Variants in CNTN1 observed in about 807,000 individuals in gnomAD.
CNTN1 encodes contactin-1.
A neutral mutation model predicts 126.4 loss-of-function variants in CNTN1; 38 were observed. The observed-to-expected ratio is 0.30, with a 90% CI of 0.23 to 0.39. CNTN1 has a LOEUF of 0.39. CNTN1 is among the 10% of genes least tolerant of loss of function. The pLI, the probability that CNTN1 is intolerant of heterozygous loss-of-function variation, is 1.00. For missense variants in CNTN1, 1,009 were observed against 1,248.4 expected, an observed-to-expected ratio of 0.81 and a Z score of 2.89; for synonymous variants, 413 against 422.6, an observed-to-expected ratio of 0.98 and a Z score of 0.28.
intron 6 of CNTN1, among the ~76,000 whole-genome samples, chr12:40,925,622 TACACATATATATATATAG>T (rs1945639122): frequency 8.3e-6 from 1 of 120,196 alleles, no homozygotes; most frequent in East Asian, 2.2e-4. Context: ...TATATATATA[TACACATATATATATATAG>T]AGAGAGAGAG....
At chr12:40,904,151 T>C (rs1185170375) in intron 1 of CNTN1, among the ~76,000 whole-genome samples, 4 of 152,202 alleles carry the variant, frequency 2.6e-5, no homozygotes, top group Admixed American at 2.0e-4. Context: ...CCCGAGTAGC[T>C]GGGACTACAG....
chr12:40,739,432 A>G (rs559746860), intron 1 of CNTN1, among the ~76,000 whole-genome samples: 1 of 152,094 alleles, frequency 6.6e-6, no homozygotes, highest in East Asian at 1.9e-4. Flanking sequence ...TGATTAAAAA[A>G]CAATTTCAGG....
intron 23 of CNTN1, among the ~76,000 whole-genome samples, chr12:41,052,772 T>G (rs1377110208): frequency 6.6e-6 from 1 of 152,078 alleles, no homozygotes; most frequent in East Asian, 1.9e-4. Flanking sequence ...AAGACTTCAA[T>G]AGTAAATGTC....
chr12:40,898,256 T>C (rs1388352832), intron 1 of CNTN1, among the ~76,000 whole-genome samples: 1 of 152,144 alleles, frequency 6.6e-6, no homozygotes, highest in East Asian at 1.9e-4. Context: ...TCTCTTTGAT[T>C]TACCAGTACT....
intron 15 of CNTN1, among the ~76,000 whole-genome samples, chr12:40,966,156 G>A (rs1764036264): frequency 6.6e-6 from 1 of 151,820 alleles, no homozygotes; most frequent in African/African-American, 2.4e-5. Flanking sequence ...AAGTATTTGG[G>A]GCAGAAAAAC....
chr12:40,942,218 G>C (rs527310748), intron 12 of CNTN1, among the ~76,000 whole-genome samples: 1 of 152,130 alleles, frequency 6.6e-6, no homozygotes, highest in East Asian at 1.9e-4. Flanking sequence ...TATTGGTACT[G>C]TGTTAATATG....
intron 1 of CNTN1, among the ~76,000 whole-genome samples, chr12:40,887,606 C>G (rs1479604894): frequency 6.6e-6 from 1 of 152,008 alleles, no homozygotes; most frequent in Non-Finnish European, 1.5e-5. Context: ...GTCAGTGTGG[C>G]AATTCCTCAG....
rs149281968 is a variant in CNTN1 at position 40,774,350 on chromosome 12, C to T, written c.-77+81758C>T. ...AAAGGCTCTCTAAGGAAGGCAGTCA[C>T]GATTGTGATGTCTAAAGAGAATTTC... On this transcript the variant is annotated intron_variant, in intron 1 of 23. Transcript: ENST00000551295. Among the ~76,000 whole-genome samples, 384 of 151,588 alleles carry T rather than the reference C, an allele frequency of 2.5e-3. 1 individual carries two copies. The highest frequency in any genetic ancestry group is 8.6e-3 in the African/African-American group (356 of 41,440).
At position 40,995,779 on chromosome 12, in the gene CNTN1, A is replaced by G. The variant is rs959741946; in HGVS notation, c.2113+2510A>G. On this transcript the variant is annotated intron_variant, in intron 17 of 23. Transcript: ENST00000551295. ...AAATTAATTCTGTAACTTCTAACAC[A>G]TTTGTTAATCTATCATCAGAAAATA... Among the ~76,000 whole-genome samples, 6 of 152,306 alleles carry G rather than the reference A, an allele frequency of 3.9e-5. No individual in the cohort carries two copies. In the East Asian group the frequency reaches 5.8e-4, roughly 15 times the overall value.
chr12:40,877,955 C>T (rs142341601), intron 1 of CNTN1, among the ~76,000 whole-genome samples: 4 of 150,610 alleles, frequency 2.7e-5, no homozygotes, highest in Admixed American at 2.6e-4. Flanking sequence ...CTATCTTCAC[C>T]TCTTCCTTCC....
At chr12:41,018,764 C>T (rs1948840548) in intron 19 of CNTN1, among the ~76,000 whole-genome samples, 1 of 151,650 alleles carries the variant, frequency 6.6e-6, no homozygotes, top group Non-Finnish European at 1.5e-5. Flanking sequence ...CCAAATATGT[C>T]AAAAGAATAA....
chr12:40,850,629 C>A (rs989873644), intron 1 of CNTN1, among the ~76,000 whole-genome samples: 2 of 151,586 alleles, frequency 1.3e-5, no homozygotes, highest in African/African-American at 4.8e-5. Context: ...AATTATTCAG[C>A]GATGATATTA....
intron 23 of CNTN1, among the ~76,000 whole-genome samples, chr12:41,042,167 T>A (rs1007612181): frequency 1.3e-5 from 2 of 152,296 alleles, no homozygotes; most frequent in African/African-American, 4.8e-5. Flanking sequence ...CTTCATTTCG[T>A]TATGTACCCA....
rs914281440 is a variant in CNTN1 at position 40,692,459 on chromosome 12, C to T, written c.-210C>T. 6.6e-6 allele frequency: 1 copy of T among 152,506 alleles called. No individual in the cohort carries two copies. Among genetic ancestry groups the T allele is most frequent in the East Asian group, 1.9e-4 (1 of 5,202 alleles). 9.4% of individuals were successfully genotyped at this position (152,506 alleles called of 1,614,324 possible). On this transcript the variant is annotated 5_prime_UTR_variant, in exon 1 of 24. Transcript: ENST00000551295. ...AGGCCGGGCTTCTGCTGTCAAGTAG[C>T]CAGGGTGGGCTCCGCCGAGGCGAGG...
chr12:41,024,202 G>C (rs1948988304), intron 20 of CNTN1, among the ~76,000 whole-genome samples: 1 of 152,016 alleles, frequency 6.6e-6, no homozygotes, highest in Non-Finnish European at 1.5e-5. Flanking sequence ...AAAAATGCAG[G>C]ATTATATTAT....
At chr12:40,819,963 T>C (rs1010196716) in intron 1 of CNTN1, among the ~76,000 whole-genome samples, 2 of 152,234 alleles carry the variant, frequency 1.3e-5, no homozygotes, top group Non-Finnish European at 2.9e-5. Flanking sequence ...ACACTGTTCT[T>C]TCTTCTCTCC....
intron 1 of CNTN1, among the ~76,000 whole-genome samples, chr12:40,733,985 A>G (rs1018554674): frequency 6.6e-6 from 1 of 151,504 alleles, no homozygotes; most frequent in Non-Finnish European, 1.5e-5. Flanking sequence ...TTTCCCTGCA[A>G]CTCTCCTTCT....
At chr12:40,935,571 A>C (rs1946052213) in intron 9 of CNTN1, among the ~76,000 whole-genome samples, 1 of 152,150 alleles carries the variant, frequency 6.6e-6, no homozygotes, top group Non-Finnish European at 1.5e-5. Context: ...TACATGATGT[A>C]ATAGAAAATG....
At chr12:41,025,665 CA>C (rs1165443334) in intron 21 of CNTN1, among the ~76,000 whole-genome samples, 1 of 152,192 alleles carries the variant, frequency 6.6e-6, no homozygotes, top group Non-Finnish European at 1.5e-5. Flanking sequence ...AGTACATCAA[CA>C]GCATGTGAAA....
Sources: allele counts gnomAD v4.1 joint callset (sites outside exome capture counted in the v4.1 genomes callset), GRCh38; gene constraint gnomAD v4.1.1; transcripts MANE v1.5; gene names NCBI Gene and HGNC (gene_info 2026-07-23, HGNC 2026-07-21).